The following ZRANB3 variants were observed in gnomAD, a reference collection of about 807,000 sequenced individuals.
ZRANB3 encodes the protein DNA annealing helicase and endonuclease ZRANB3.
A neutral mutation model predicts 133.8 loss-of-function variants in ZRANB3; 125 were observed. That is an observed-to-expected ratio of 0.93 (90% confidence interval 0.81 to 1.08). The LOEUF (loss-of-function observed/expected upper bound fraction) is 1.08. ZRANB3 is among the 50% of genes least tolerant of loss of function. The pLI is 0.00. For synonymous variants in ZRANB3, 387 were observed against 432.7 expected (o/e 0.89, Z 1.31); for missense variants, 1,229 against 1,275.5 (o/e 0.96, Z 0.56).
intron 12 of ZRANB3, among the ~76,000 whole-genome samples, chr2:135,232,630 G>A (rs1037708508): frequency 6.6e-6 from 1 of 152,180 alleles, no homozygotes; most frequent in Non-Finnish European, 1.5e-5. Context: ...AACATTTGCT[G>A]TTCACCAATA....
intron 2 of ZRANB3, among the ~76,000 whole-genome samples, chr2:135,463,649 TC>T (rs1690862299): frequency 1.3e-5 from 2 of 152,140 alleles, no homozygotes; most frequent in Admixed American, 1.3e-4. Context: ...ACTCCTGACC[TC>T]AGGTCATCTG....
chr2:135,291,473 G>C (rs556937451), intron 8 of ZRANB3, among the ~76,000 whole-genome samples: 1 of 152,150 alleles, frequency 6.6e-6, no homozygotes, highest in Non-Finnish European at 1.5e-5. Flanking sequence ...ATGAGTCACA[G>C]CACCTGGCCA....
At chr2:135,410,216 C>T (rs759977703) in intron 2 of ZRANB3, among the ~76,000 whole-genome samples, 18 of 152,110 alleles carry the variant, frequency 1.2e-4, no homozygotes, top group Non-Finnish European at 2.5e-4. Context: ...GGAGGCATCA[C>T]ACTACCCAAC....
chr2:135,501,534 T>C (rs1384465871), intron 2 of ZRANB3, among the ~76,000 whole-genome samples: 1 of 152,166 alleles, frequency 6.6e-6, no homozygotes, highest in Non-Finnish European at 1.5e-5. Flanking sequence ...AAGAGAGTCC[T>C]GATGAAATTT....
intron 1 of ZRANB3, among the ~76,000 whole-genome samples, chr2:135,513,093 A>C (rs1205715670): frequency 2.6e-5 from 4 of 152,258 alleles, no homozygotes; most frequent in East Asian, 1.9e-4. Flanking sequence ...ATAGGTAAAC[A>C]AAATATTAGC....
chr2:135,246,572 G>C (rs1289481815), intron 12 of ZRANB3, among the ~76,000 whole-genome samples: 4 of 152,130 alleles, frequency 2.6e-5, no homozygotes. Flanking sequence ...CCTTAAAGAA[G>C]GAAGAGTGAT....
chr2:135,229,910 T>A (rs1247469048), intron 13 of ZRANB3, among the ~76,000 whole-genome samples: 7 of 152,172 alleles, frequency 4.6e-5, no homozygotes, highest in South Asian at 4.1e-4. Context: ...TATAAAAACA[T>A]ACTTGAGGTA....
chr2:135,293,775 T>C (rs1681887693), intron 8 of ZRANB3, among the ~76,000 whole-genome samples: 1 of 150,766 alleles, frequency 6.6e-6, no homozygotes, highest in Non-Finnish European at 1.5e-5. Context: ...ATCCCATCAA[T>C]ACCTAATTTA....
chr2:135,309,163 A>G (rs1682849780), intron 8 of ZRANB3, among the ~76,000 whole-genome samples: 1 of 151,948 alleles, frequency 6.6e-6, no homozygotes, highest in South Asian at 2.1e-4. Flanking sequence ...TGTATTTTTT[A>G]GTAGAGACGG....
At chr2:135,237,612 T>TA in intron 12 of ZRANB3, among the ~76,000 whole-genome samples, 1 of 151,586 alleles carries the variant, frequency 6.6e-6, no homozygotes, top group Non-Finnish European at 1.5e-5. Flanking sequence ...TATGCAGCCA[T>TA]AAAAAATGAT....
At chr2:135,309,694 A>G (rs536277048) in intron 8 of ZRANB3, among the ~76,000 whole-genome samples, 114 of 152,340 alleles carry the variant, frequency 7.5e-4, no homozygotes, top group Non-Finnish European at 1.1e-3. Context: ...TAAAAAAACT[A>G]GAGAACATTG....
At chr2:135,210,200 C>T (rs1207269949) in intron 17 of ZRANB3, among the ~76,000 whole-genome samples, 2 of 152,120 alleles carry the variant, frequency 1.3e-5, no homozygotes, top group Non-Finnish European at 2.9e-5. Context: ...GTGTACAATA[C>T]GTCCCTCACC....
At chr2:135,392,016 G>A (rs1276718863) in intron 2 of ZRANB3, among the ~76,000 whole-genome samples, 1 of 152,090 alleles carries the variant, frequency 6.6e-6, no homozygotes. Context: ...AAAAACAAGG[G>A]GCAAAGGGAA....
rs990983415 is a variant in ZRANB3 at position 135,197,098 on chromosome 2, T to C, written c.*3244A>G. 1 of 152,214 alleles carries C rather than the reference T, an allele frequency of 6.6e-6. No homozygotes were observed. Among genetic ancestry groups the C allele is most frequent in the Non-Finnish European group, 1.5e-5 (1 of 68,040 alleles). The allele number at this position is 152,214 out of a possible 1,614,324, so 9.4% of individuals were successfully genotyped here. A position where few individuals can be genotyped will look rare whatever the true frequency, so the allele number is the denominator to read the frequency against. ...CAAACTTGAGATGGGATAAACCCTT[T>C]CTGGTAGTTGGATATTCAGATAGAT... On this transcript the variant is annotated 3_prime_UTR_variant, in exon 21 of 21. Transcript: ENST00000264159.
intron 12 of ZRANB3, among the ~76,000 whole-genome samples, chr2:135,246,214 T>G (rs1213836172): frequency 2.0e-5 from 3 of 151,398 alleles, no homozygotes; most frequent in Admixed American, 2.0e-4. Flanking sequence ...ATCCTTGATG[T>G]TTTGAGACAG....
intron 8 of ZRANB3, among the ~76,000 whole-genome samples, chr2:135,280,617 T>C (rs948652937): frequency 1.3e-5 from 2 of 152,148 alleles, no homozygotes; most frequent in Non-Finnish European, 2.9e-5. Flanking sequence ...AGAATATTCA[T>C]GATTTTTTTT....
At chr2:135,451,327 C>T (rs1442652890) in intron 2 of ZRANB3, among the ~76,000 whole-genome samples, 9 of 151,876 alleles carry the variant, frequency 5.9e-5, no homozygotes, top group East Asian at 5.8e-4. Flanking sequence ...TTTCAGAGGC[C>T]GAGGCAGACA....
chr2:135,500,510 T>C (rs920876737), intron 2 of ZRANB3, among the ~76,000 whole-genome samples: 4 of 151,898 alleles, frequency 2.6e-5, no homozygotes, highest in African/African-American at 9.7e-5. Flanking sequence ...AAAAACAAGA[T>C]ACAAAAGAAT....
At chr2:135,511,123 C>G in intron 1 of ZRANB3, 1 of 770,118 alleles carries the variant, frequency 1.3e-6, no homozygotes, top group Non-Finnish European at 2.4e-6. Context: ...ACTTTACCAA[C>G]ATAAGGAGGT....
Sources: allele counts gnomAD v4.1 joint callset (sites outside exome capture counted in the v4.1 genomes callset), GRCh38; gene constraint gnomAD v4.1.1; transcripts MANE v1.5; gene names NCBI Gene and HGNC (gene_info 2026-07-23, HGNC 2026-07-21).